Variants in TP63 observed in about 807,000 individuals in gnomAD.
TP63 encodes the protein tumor protein 63.
TP63 carries 17 observed loss-of-function variants against 82.8 expected under a neutral mutation model. The observed-to-expected ratio is 0.21, with a 90% CI of 0.14 to 0.31. The LOEUF (loss-of-function observed/expected upper bound fraction) is 0.31. TP63 is among the 10% of genes least tolerant of loss of function. The probability of loss-of-function intolerance (pLI) is 1.00; values close to 1 mark genes in which losing one functional copy is unlikely to be tolerated. For synonymous variants in TP63, 330 were observed against 321.7 expected (o/e 1.03, Z -0.28); for missense variants, 648 against 895.3 (o/e 0.72, Z 3.52).
rs1409191606 is a variant in TP63, at chr3:189,846,434, A to G, written c.580-17798A>G. ...GGATGGCCAAAACTGTCATGTCAGT[A>G]TACAAGGAAATTTGGTTGAAGATCA... On this transcript the variant is annotated intron_variant, in intron 4 of 13. Transcript: ENST00000264731. Among the ~76,000 whole-genome samples the G allele has an allele frequency of 3.3e-5, 5 of 152,220 alleles. No individual in the cohort carries two copies. In the East Asian group the frequency reaches 9.6e-4, roughly 29 times the overall value.
chr3:189,607,631 A>G, the TP63 span, among the ~76,000 whole-genome samples: 1 of 151,784 alleles, frequency 6.6e-6, no homozygotes, highest in Non-Finnish European at 1.5e-5. Flanking sequence ...ATTTGTTTCT[A>G]TTATAAGATT....
chr3:189,749,413 G>T (rs62279905), intron 3 of TP63, among the ~76,000 whole-genome samples: 7,495 of 152,148 alleles, frequency 0.049, 255 homozygotes, highest in South Asian at 0.1. Context: ...AAAAAAAGAT[G>T]TAAAAATGGC....
At position 189,897,256 on chromosome 3, in the gene TP63, A is replaced by G. The variant is rs1382249814; in HGVS notation, c.*2754A>G. On this transcript the variant is annotated 3_prime_UTR_variant, in exon 14 of 14. Coordinates refer to ENST00000264731, the MANE Select transcript of TP63 (RefSeq NM_003722.5). ...GGACATGCAATAAAATTTAAAAAAT[A>G]AATAAAAACTAATTAAGAAATTGTG... The G allele has an allele frequency of 1.5e-5, 3 of 195,896 alleles. No homozygotes were observed. In the East Asian group the frequency reaches 2.4e-4, roughly 16 times the overall value. 12.1% of individuals were successfully genotyped at this position (195,896 alleles called of 1,614,324 possible).
At chr3:189,825,927 C>T (rs1210705350) in intron 4 of TP63, among the ~76,000 whole-genome samples, 3 of 152,176 alleles carry the variant, frequency 2.0e-5, no homozygotes, top group African/African-American at 4.8e-5. Flanking sequence ...GCAGCCTCTC[C>T]ACCCTTCCCC....
intron 1 of TP63, among the ~76,000 whole-genome samples, chr3:189,654,100 C>G (rs965800828): frequency 2.0e-5 from 3 of 152,100 alleles, no homozygotes; most frequent in African/African-American, 4.8e-5. Context: ...ATTTGTGAGA[C>G]AAGTTTGTAC....
At chr3:189,885,057 A>C (rs2108851213) in intron 10 of TP63, among the ~76,000 whole-genome samples, 1 of 152,352 alleles carries the variant, frequency 6.6e-6, no homozygotes, top group South Asian at 2.1e-4. Flanking sequence ...ATATATGCAG[A>C]TAAAACTCAA....
chr3:189,871,513 G>A (rs1052663884), intron 9 of TP63, among the ~76,000 whole-genome samples: 1 of 152,206 alleles, frequency 6.6e-6, no homozygotes, highest in Non-Finnish European at 1.5e-5. Context: ...GCTGGGATGA[G>A]TAAGAGTTAA....
chr3:189,653,233 T>C (rs918387856), intron 1 of TP63, among the ~76,000 whole-genome samples: 1 of 152,214 alleles, frequency 6.6e-6, no homozygotes, highest in African/African-American at 2.4e-5. Flanking sequence ...AACATACATA[T>C]GCCAGGACAG....
intron 3 of TP63, among the ~76,000 whole-genome samples, chr3:189,773,410 C>T (rs988956777): frequency 1.3e-5 from 2 of 152,180 alleles, no homozygotes; most frequent in African/African-American, 4.8e-5. Context: ...GAAGTAAAGT[C>T]GTGTTTAATA....
intron 4 of TP63, among the ~76,000 whole-genome samples, chr3:189,862,431 G>A (rs999938248): frequency 2.1e-4 from 32 of 151,692 alleles, no homozygotes; most frequent in Admixed American, 5.9e-4. Context: ...GTACTCTCTC[G>A]AGCTTGATTT....
At chr3:189,857,555 G>T (rs981565085) in intron 4 of TP63, among the ~76,000 whole-genome samples, 1 of 152,114 alleles carries the variant, frequency 6.6e-6, no homozygotes, top group African/African-American at 2.4e-5. Context: ...GCTACAGGCT[G>T]GGAGAAAGTA....
intron 1 of TP63, among the ~76,000 whole-genome samples, chr3:189,731,770 A>G (rs939690773): frequency 8.5e-5 from 13 of 152,218 alleles, no homozygotes; most frequent in African/African-American, 1.2e-4. Flanking sequence ...CGGGCTTTCT[A>G]TCTTTAGGTG....
At chr3:189,850,605 G>T (rs938836414) in intron 4 of TP63, among the ~76,000 whole-genome samples, 2 of 152,106 alleles carry the variant, frequency 1.3e-5, no homozygotes, top group Non-Finnish European at 2.9e-5. Context: ...GAGGGATAGC[G>T]TTAGGAGATA....
At chr3:189,621,860 A>G in the TP63 span, among the ~76,000 whole-genome samples, 122,203 of 152,154 alleles carry the variant, frequency 0.8, 51,085 homozygotes, top group Middle Eastern at 0.95. Flanking sequence ...ATAAATCAGT[A>G]GCAGAGCAAC....
the TP63 span, among the ~76,000 whole-genome samples, chr3:189,597,352 A>C: frequency 6.6e-6 from 1 of 152,206 alleles, no homozygotes; most frequent in African/African-American, 2.4e-5. Context: ...AATATGACTT[A>C]ATATTAATAG....
Position 189,738,668 on chromosome 3 carries a change from A to T in TP63, c.218A>T (p.Asp73Val). The change falls in exon 3 of 14, where the codon GAC (aspartate) becomes GTC (valine). Residue 73 changes from aspartate to valine, a missense_variant. Asp to Val is a radical substitution (Grantham distance 152, BLOSUM62 -3). Coordinates refer to ENST00000264731, the MANE Select transcript of TP63 (RefSeq NM_003722.5). ...EQPICSVQPI[D>V]LNFVDEPSED... The stretch of plus-strand genomic sequence containing the variant: ...CCTATATGTTCAGTTCAGCCCATTG[A>T]CTTGAACTTTGTGGATGAACCATCA... 1 of 1,614,062 alleles carries T rather than the reference A, an allele frequency of 6.2e-7. No homozygotes were observed. Among genetic ancestry groups the T allele is most frequent in the Non-Finnish European group, 8.5e-7 (1 of 1,180,002 alleles).
intron 1 of TP63, among the ~76,000 whole-genome samples, chr3:189,647,479 C>T (rs1474416780): frequency 1.4e-5 from 2 of 146,808 alleles, no homozygotes; most frequent in South Asian, 4.5e-4. Context: ...TCAACAGGTC[C>T]TCCTCTGGTG....
intron 4 of TP63, among the ~76,000 whole-genome samples, chr3:189,819,154 A>C (rs1235184525): frequency 6.6e-6 from 1 of 152,174 alleles, no homozygotes; most frequent in Non-Finnish European, 1.5e-5. Context: ...ATGCCTAGAA[A>C]ATGTATCCTT....
chr3:189,891,446 A>G lies in TP63; in HGVS notation c.1746+564A>G, dbSNP rs551709378. ...TCAGCCGTTCCTCTCAATTAAAACT[A>G]TATGTTCCTTTATTAATTTTCAGTT... On this transcript the variant is annotated intron_variant, in intron 13 of 13. Transcript: ENST00000264731. Among the ~76,000 whole-genome samples, 3 of 152,290 alleles carry G rather than the reference A, an allele frequency of 2.0e-5. No individual in the cohort carries two copies. In the South Asian group the frequency reaches 6.2e-4, roughly 32 times the overall value.
Sources: gnomAD v4.1 joint callset for allele counts (sites outside exome capture counted in the v4.1 genomes callset) on GRCh38, gnomAD v4.1.1 for gene constraint, MANE v1.5 for transcripts, NCBI Gene and HGNC (gene_info 2026-07-23, HGNC 2026-07-21) for gene names.